PIWIL2: variants seen among roughly 807,000 people sequenced by gnomAD.
PIWIL2 encodes piwi-like protein 2.
In PIWIL2, 81 loss-of-function variants were observed where a neutral mutation model predicts 116.5. The ratio of observed to expected loss-of-function variants is 0.70; its 90% CI spans 0.58 to 0.84. The LOEUF (loss-of-function observed/expected upper bound fraction) is 0.84, where lower values mean the gene tolerates loss of function less well. PIWIL2 is among the 40% of genes least tolerant of loss of function. The probability of loss-of-function intolerance (pLI) is 0.00; values close to 1 mark genes in which losing one functional copy is unlikely to be tolerated. For synonymous variants in PIWIL2, 489 were observed against 429.5 expected, an observed-to-expected ratio of 1.14 and a Z score of -1.71; for missense variants, 1,272 against 1,212.3, an observed-to-expected ratio of 1.05 and a Z score of -0.73.
intron 10 of PIWIL2, among the ~76,000 whole-genome samples, chr8:22,296,465 A>G (rs182245469): frequency 6.6e-6 from 1 of 152,294 alleles, no homozygotes; most frequent in Non-Finnish European, 1.5e-5. Flanking sequence ...AGAAGTATGC[A>G]TTGGAGGAAA....
chr8:22,310,833 C>A (rs78779380), intron 15 of PIWIL2, among the ~76,000 whole-genome samples: 7,539 of 152,196 alleles, frequency 0.05, 291 homozygotes, highest in Admixed American at 0.086. Flanking sequence ...ATTATATATT[C>A]TTCTGTGTCT....
At chr8:22,340,651 G>A (rs1451286029) in intron 20 of PIWIL2, among the ~76,000 whole-genome samples, 3 of 152,132 alleles carry the variant, frequency 2.0e-5, no homozygotes, top group Non-Finnish European at 4.4e-5. Context: ...GTATCTGCAA[G>A]CCAGAAACAC....
intron 20 of PIWIL2, among the ~76,000 whole-genome samples, chr8:22,331,034 G>T (rs1831849732): frequency 6.6e-6 from 1 of 152,024 alleles, no homozygotes; most frequent in Non-Finnish European, 1.5e-5. Context: ...AAATTAGCCT[G>T]GTGTGGTGGT....
chr8:22,307,886 T>G, intron 13 of PIWIL2, 47 bp from the exon 14 acceptor site: 2 of 1,444,566 alleles, frequency 1.4e-6, no homozygotes. Flanking sequence ...TAACTTCATA[T>G]TGGTGAAGTT....
chr8:22,291,522 G>A (rs965589162), intron 10 of PIWIL2, among the ~76,000 whole-genome samples: 5 of 152,016 alleles, frequency 3.3e-5, no homozygotes, highest in African/African-American at 1.2e-4. Context: ...GATTTTTTTA[G>A]GCCATGTACT....
chr8:22,352,257 T>C (rs1832390631), intron 20 of PIWIL2, among the ~76,000 whole-genome samples: 2 of 152,260 alleles, frequency 1.3e-5, no homozygotes, highest in African/African-American at 4.8e-5. Context: ...TCTTGAATTA[T>C]TGAAGTTGAA....
At position 22,312,433 on chromosome 8, in the gene PIWIL2, T is replaced by TA. The variant is rs1300524630; in HGVS notation, c.1989+1144dup. On this transcript the variant is annotated intron_variant, in intron 16 of 22. Transcript: ENST00000356766. ...GCGTGGGCCATCACACCTGGCTAAT[T>TA]AAAAAAAAAAATTATAGAGGTAGGG... is the stretch of plus-strand genomic sequence containing the variant. 1.8e-3 allele frequency among the ~76,000 whole-genome samples: 271 copies of TA among 148,730 alleles called. 1 individual carries two copies. The highest frequency in any genetic ancestry group is 5.7e-3 in the African/African-American group (234 of 40,754).
Position 22,352,971 on chromosome 8 carries a change from C to G in PIWIL2, c.2416C>G (p.Leu806Val). 1.2e-6 allele frequency: 2 copies of G among 1,612,806 alleles called. No individual in the cohort carries two copies. The highest frequency in any genetic ancestry group is 1.7e-4 in the Middle Eastern group (1 of 6,056). ...LKKFYEVNHC[L>V]PEKIVVYRDG... Reference sequence around the variant, plus strand: ...GCTGTCATTTCAGGTGAACCACTGTCTACCAGAGAAGATTGTGGTGTACCG... The same window carrying G: ...GCTGTCATTTCAGGTGAACCACTGTGTACCAGAGAAGATTGTGGTGTACCG... Residue 806 changes from leucine to valine, a missense_variant, in exon 21 of 23, where the codon CTA becomes GTA. Coordinates refer to ENST00000356766, the MANE Select transcript of PIWIL2 (RefSeq NM_018068.5).
intron 20 of PIWIL2, among the ~76,000 whole-genome samples, chr8:22,345,202 C>CA (rs1305723063): frequency 6.6e-6 from 1 of 152,142 alleles, no homozygotes; most frequent in Non-Finnish European, 1.5e-5. Context: ...AAATAAAAAT[C>CA]AAAGTTAAAC....
chr8:22,343,168 GC>G (rs1447484295), intron 20 of PIWIL2, among the ~76,000 whole-genome samples: 3 of 151,814 alleles, frequency 2.0e-5, no homozygotes, highest in Non-Finnish European at 2.9e-5. Context: ...TTTGGGAGGG[GC>G]CGAGGTGGGC....
At chr8:22,353,289 G>T in intron 21 of PIWIL2, 77 bp downstream of exon 21, 3 of 1,302,518 alleles carry the variant, frequency 2.3e-6, no homozygotes, top group Non-Finnish European at 3.2e-6. Context: ...TTGGAATGGG[G>T]AGGTTTCCTG....
intron 13 of PIWIL2, among the ~76,000 whole-genome samples, chr8:22,307,172 A>T (rs1394232105): frequency 6.6e-6 from 1 of 152,086 alleles, no homozygotes; most frequent in African/African-American, 2.4e-5. Flanking sequence ...TTTTTCCCAA[A>T]TTTTATTTCT....
chr8:22,306,256 G>A (rs1040004260), intron 13 of PIWIL2, among the ~76,000 whole-genome samples: 2 of 152,174 alleles, frequency 1.3e-5, no homozygotes, highest in African/African-American at 4.8e-5. Flanking sequence ...GAACAGTAGA[G>A]GGACTGGATT....
In PIWIL2 at chr8:22,281,529, C is replaced by T; in HGVS notation, c.425+14C>T. 3.9e-6 allele frequency: 6 copies of T among 1,551,556 alleles called. No homozygotes were observed. Among genetic ancestry groups the T allele is most frequent in the Non-Finnish European group, 5.2e-6 (6 of 1,157,308 alleles). On this transcript the variant is annotated intron_variant, in intron 4 of 22. Coordinates refer to ENST00000356766, the MANE Select transcript of PIWIL2 (RefSeq NM_018068.5). ...TGGTTGGAGTAGGTGGGTAAAGTTA[C>T]CCTCTCAGGTAACTATCAAATTCAG... is the stretch of plus-strand genomic sequence containing the variant.
rs372692314 is a variant in PIWIL2 at position 22,281,470 on chromosome 8, C to A, written c.380C>A (p.Ala127Glu). The A allele has an allele frequency of 1.9e-5, 30 of 1,600,418 alleles. No individual in the cohort carries two copies. In the South Asian group the frequency reaches 2.7e-4, roughly 14 times the overall value. Reference sequence around the variant, plus strand: ...ACTTTTTGGGATCCAAAAGTGTTGGCGGCTGGGGACAGCAAGATGGCAGAG... The same window carrying A: ...ACTTTTTGGGATCCAAAAGTGTTGGAGGCTGGGGACAGCAAGATGGCAGAG... ...SPTFWDPKVL[A>E]AGDSKMAETS... The change falls in exon 4 of 23, where the codon GCG (alanine) becomes GAG (glutamate). Residue 127 changes from alanine to glutamate, a missense_variant. Coordinates refer to ENST00000356766, the MANE Select transcript of PIWIL2 (RefSeq NM_018068.5).
At chr8:22,279,659 A>G (rs572255114) in intron 2 of PIWIL2, 75 bp downstream of exon 2, 3 of 1,415,546 alleles carry the variant, frequency 2.1e-6, no homozygotes, top group African/African-American at 1.4e-5. Flanking sequence ...ATGGATTTCA[A>G]AGTGCTTGCA....
intron 4 of PIWIL2, 45 bp downstream of exon 4, chr8:22,281,560 A>C: frequency 6.8e-7 from 1 of 1,473,100 alleles, no homozygotes; most frequent in South Asian, 1.4e-5. Context: ...TTCAGATGGA[A>C]TATCTCTGTA....
chr8:22,353,230 G>A lies in PIWIL2; in HGVS notation c.2657+18G>A, dbSNP rs756408916. 6.2e-7 allele frequency: 1 copy of A among 1,600,076 alleles called. No homozygotes were observed. Among genetic ancestry groups the A allele is most frequent in the Non-Finnish European group, 8.6e-7 (1 of 1,169,580 alleles). On this transcript the variant is annotated intron_variant, in intron 21 of 22. Coordinates refer to ENST00000356766, the MANE Select transcript of PIWIL2 (RefSeq NM_018068.5). ...TGTGAGTGGTAAGTGAGCAAAATAT[G>A]TAGTATTGGAGGAAGAATAAGTTGG...
intron 4 of PIWIL2, among the ~76,000 whole-genome samples, chr8:22,281,852 A>G (rs902115098): frequency 6.7e-6 from 1 of 149,606 alleles, no homozygotes; most frequent in Non-Finnish European, 1.5e-5. Context: ...GCTCACTGCA[A>G]CCTCCGCCTC....
Sources: gnomAD v4.1 joint callset for allele counts (sites outside exome capture counted in the v4.1 genomes callset) on GRCh38, gnomAD v4.1.1 for gene constraint, MANE v1.5 for transcripts, NCBI Gene and HGNC (gene_info 2026-07-23, HGNC 2026-07-21) for gene names.